Variants in VTI1A observed in about 807,000 individuals in gnomAD.
VTI1A encodes vesicle transport through interaction with t-SNAREs homolog 1A.
A neutral mutation model predicts 34.9 loss-of-function variants in VTI1A; 22 were observed. That is an observed-to-expected ratio of 0.63 (90% CI 0.45 to 0.90). The LOEUF is 0.90. Among genes scored for constraint, VTI1A ranks in the 40% least tolerant of loss-of-function variants. The pLI is 0.00. For synonymous variants in VTI1A, 87 were observed against 97.3 expected, an observed-to-expected ratio of 0.89 and a Z score of 0.62; for missense variants, 268 against 275.6, an observed-to-expected ratio of 0.97 and a Z score of 0.20.
chr10:112,717,365 A>G lies in VTI1A; in HGVS notation c.560+48367A>G, dbSNP rs116814130. On this transcript the variant is annotated intron_variant, in intron 7 of 7. Coordinates refer to ENST00000393077, the MANE Select transcript of VTI1A (RefSeq NM_145206.4). ...ACCACCCTAGAAATGCAGTGACTTC[A>G]GCAGCAGTCTCTCAGGATTTTGGCG... Among the ~76,000 whole-genome samples the G allele has an allele frequency of 5.2e-3, 793 of 152,274 alleles. 7 individuals are homozygous for G. Among genetic ancestry groups the G allele is most frequent in the African/African-American group, 0.018 (763 of 41,548 alleles).
intron 5 of VTI1A, among the ~76,000 whole-genome samples, chr10:112,576,412 C>A (rs1024839897): frequency 1.3e-5 from 2 of 152,056 alleles, no homozygotes; most frequent in African/African-American, 4.8e-5. Context: ...TAAGTACCTC[C>A]TAGGAGCCAG....
chr10:112,792,051 G>T (rs570127264), intron 7 of VTI1A, among the ~76,000 whole-genome samples: 3 of 152,108 alleles, frequency 2.0e-5, no homozygotes, highest in African/African-American at 7.2e-5. Flanking sequence ...TGAGGCAGGC[G>T]TATCACAATG....
chr10:112,566,869 A>ATG (rs1392271516), intron 5 of VTI1A, among the ~76,000 whole-genome samples: 1 of 152,128 alleles, frequency 6.6e-6, no homozygotes, highest in Non-Finnish European at 1.5e-5. Context: ...TGTGTGGGGC[A>ATG]TGGGGGTCTT....
At chr10:112,527,329 G>T in intron 4 of VTI1A, 165 bp downstream of exon 4, 2 of 506,320 alleles carry the variant, frequency 4.0e-6, no homozygotes, top group East Asian at 3.3e-5. Flanking sequence ...AATGTTTCTT[G>T]GAGATCTTAC....
intron 3 of VTI1A, among the ~76,000 whole-genome samples, chr10:112,506,663 C>A (rs983652433): frequency 1.3e-5 from 2 of 152,142 alleles, no homozygotes; most frequent in Non-Finnish European, 2.9e-5. Context: ...CAGAAAAAGT[C>A]TTTTATATTT....
chr10:112,548,623 T>C (rs1851226698), intron 5 of VTI1A: 2 of 1,007,110 alleles, frequency 2.0e-6, no homozygotes, highest in Admixed American at 3.4e-5. Context: ...AATAAGATAA[T>C]ATTCATTTAG....
the VTI1A span, among the ~76,000 whole-genome samples, chr10:112,833,361 G>C: frequency 2.6e-5 from 4 of 151,978 alleles, no homozygotes; most frequent in South Asian, 8.3e-4. Context: ...ACTCCTTCAA[G>C]GTTCCACCCA....
intron 5 of VTI1A, among the ~76,000 whole-genome samples, chr10:112,543,421 A>C (rs1325326860): frequency 6.6e-6 from 1 of 152,150 alleles, no homozygotes; most frequent in Non-Finnish European, 1.5e-5. Flanking sequence ...CATTTCTCTG[A>C]TGGCCAGTGA....
rs879891256 is a variant in VTI1A, at chr10:112,767,151, G to A, written c.561-48139G>A. Among the ~76,000 whole-genome samples the A allele has an allele frequency of 1.3e-5, 2 of 152,194 alleles. No individual in the cohort carries two copies. The highest frequency in any genetic ancestry group is 2.4e-5 in the African/African-American group (1 of 41,456). ...AATCCATATTGGAATAATAGTAATAGCTAGCATTTATTGAGTGCCTTACTG... is the reference window on the plus strand; with the variant it reads ...AATCCATATTGGAATAATAGTAATAACTAGCATTTATTGAGTGCCTTACTG... On this transcript the variant is annotated intron_variant, in intron 7 of 7. Coordinates refer to ENST00000393077, the MANE Select transcript of VTI1A (RefSeq NM_145206.4). The surrounding 1 kb of genome is among the most constrained non-coding windows in gnomAD (Gnocchi z 4.0).
At chr10:112,592,294 G>A (rs772969414) in intron 5 of VTI1A, among the ~76,000 whole-genome samples, 11 of 152,256 alleles carry the variant, frequency 7.2e-5, no homozygotes, top group South Asian at 6.2e-4. Flanking sequence ...TCATAAATAT[G>A]TACTGTTTTA....
At chr10:112,784,534 A>G (rs1199587051) in intron 7 of VTI1A, among the ~76,000 whole-genome samples, 1 of 152,160 alleles carries the variant, frequency 6.6e-6, no homozygotes, top group Non-Finnish European at 1.5e-5. Flanking sequence ...GAGTAGTCCT[A>G]ATTGTAAGTT....
At chr10:112,597,134 A>T (rs1844677713) in intron 5 of VTI1A, among the ~76,000 whole-genome samples, 1 of 152,200 alleles carries the variant, frequency 6.6e-6, no homozygotes, top group African/African-American at 2.4e-5. Flanking sequence ...AGAATCAAAC[A>T]GATCTGGGGA....
At chr10:112,639,278 A>C (rs1846476174) in intron 5 of VTI1A, among the ~76,000 whole-genome samples, 1 of 152,206 alleles carries the variant, frequency 6.6e-6, no homozygotes, top group Non-Finnish European at 1.5e-5. Context: ...ATGAGAGTCG[A>C]CATGATTATA....
chr10:112,460,457 T>C, intron 1 of VTI1A, 67 bp from the exon 2 acceptor site: 14 of 1,412,112 alleles, frequency 9.9e-6, no homozygotes, highest in Non-Finnish European at 1.3e-5. Flanking sequence ...CATATAAAAA[T>C]TGAAGTTTTA....
intron 7 of VTI1A, among the ~76,000 whole-genome samples, chr10:112,697,622 C>G (rs1470140475): frequency 6.6e-6 from 1 of 152,010 alleles, no homozygotes; most frequent in African/African-American, 2.4e-5. Flanking sequence ...TATCGAACTC[C>G]TGACCTCAGG....
intron 5 of VTI1A, among the ~76,000 whole-genome samples, chr10:112,562,074 A>G (rs1345519916): frequency 2.0e-5 from 3 of 152,162 alleles, no homozygotes; most frequent in Non-Finnish European, 4.4e-5. Context: ...TCCTTCAGAA[A>G]AAATAAAATA....
intron 7 of VTI1A, among the ~76,000 whole-genome samples, chr10:112,716,439 A>G (rs10885376): frequency 0.36 from 55,302 of 151,972 alleles, 11,195 homozygotes; most frequent in African/African-American, 0.55. Context: ...AACTAAGCAA[A>G]TTTTATTATA....
In VTI1A at chr10:112,447,459, T is replaced by C. The variant is rs1388971729; in HGVS notation, c.86T>C (p.Leu29Pro). ...ITSKIARVPR[L>P]PPDEKKQMVA... The stretch of plus-strand genomic sequence containing the variant: ...AGCAAGATTGCGAGGGTCCCACGAC[T>C]CCCGCCTGGTGAGAGCCTTGCCCGG... Residue 29 changes from leucine to proline, a missense_variant, in exon 1 of 8, where the codon CTC becomes CCC. Transcript: ENST00000393077. The C allele has an allele frequency of 6.2e-7, 1 of 1,613,176 alleles. No individual in the cohort carries two copies. Among genetic ancestry groups the C allele is most frequent in the Non-Finnish European group, 8.5e-7 (1 of 1,179,884 alleles).
chr10:112,560,266 G>GA (rs1453430814), intron 5 of VTI1A, among the ~76,000 whole-genome samples: 23 of 152,098 alleles, frequency 1.5e-4, no homozygotes, highest in Admixed American at 1.5e-3. Context: ...TTTTAAATAA[G>GA]AAAAAATGTA....
Sources: gnomAD v4.1 joint callset for allele counts (sites outside exome capture counted in the v4.1 genomes callset) on GRCh38, gnomAD v4.1.1 for gene constraint, Gnocchi (gnomAD v3.1) non-coding constraint, MANE v1.5 for transcripts, NCBI Gene and HGNC (gene_info 2026-07-23, HGNC 2026-07-21) for gene names.